The following DISC1 variants were observed in gnomAD, a reference collection of about 807,000 sequenced individuals.
The protein encoded by DISC1 is disrupted in schizophrenia 1 protein.
A neutral mutation model predicts 84.5 loss-of-function variants in DISC1; 57 were observed. That is an observed-to-expected ratio of 0.67 (90% CI 0.55 to 0.84). DISC1 has a LOEUF of 0.84. DISC1 is among the 40% of genes least tolerant of loss of function. The probability of loss-of-function intolerance (pLI) is 0.00; values close to 1 mark genes in which losing one functional copy is unlikely to be tolerated. For missense variants in DISC1, 1,000 were observed against 1,057.8 expected, an observed-to-expected ratio of 0.95 and a Z score of 0.76; for synonymous variants, 411 against 415.2, an observed-to-expected ratio of 0.99 and a Z score of 0.12.
Position 231,831,511 on chromosome 1 carries a change from C to T in DISC1, c.1981+12994C>T, listed in dbSNP as rs57578858. On this transcript the variant is annotated intron_variant, in intron 9 of 12. Coordinates refer to ENST00000439617, the MANE Select transcript of DISC1 (RefSeq NM_018662.3). ...GACTGATGTGAAGGAGAAAAACTGG[C>T]CGTGAGGGACAGAAGTTGGAGAGCT... Among the ~76,000 whole-genome samples, 1,345 of 152,240 alleles carry T rather than the reference C, an allele frequency of 8.8e-3. 11 individuals are homozygous for T. The highest frequency in any genetic ancestry group is 0.031 in the African/African-American group (1,280 of 41,524).
chr1:231,973,142 G>A (rs887887710), intron 10 of DISC1, among the ~76,000 whole-genome samples: 2 of 151,716 alleles, frequency 1.3e-5, no homozygotes, highest in African/African-American at 4.8e-5. Flanking sequence ...TGCCTCCTGG[G>A]TTCAAGCAAT....
intron 8 of DISC1, among the ~76,000 whole-genome samples, chr1:231,811,906 A>C (rs996442192): frequency 6.6e-6 from 1 of 152,232 alleles, no homozygotes; most frequent in South Asian, 2.1e-4. Flanking sequence ...GACAATCATT[A>C]AGAGACTCCC....
intron 9 of DISC1, among the ~76,000 whole-genome samples, chr1:231,861,152 G>A (rs185557546): frequency 7.9e-5 from 12 of 152,258 alleles, no homozygotes; most frequent in African/African-American, 2.2e-4. Context: ...TGATGGTGCC[G>A]TTGTATGAAT....
chr1:232,013,224 A>G (rs562913607), intron 11 of DISC1, among the ~76,000 whole-genome samples: 8 of 151,818 alleles, frequency 5.3e-5, no homozygotes, highest in African/African-American at 1.9e-4. Context: ...GGACAGTACC[A>G]CTCTCCCAGA....
intron 1 of DISC1, among the ~76,000 whole-genome samples, chr1:231,681,700 TA>T (rs1302890135): frequency 2.0e-5 from 3 of 152,088 alleles, no homozygotes; most frequent in Non-Finnish European, 2.9e-5. Context: ...CATAGACATT[TA>T]TTTTTTTTTT....
At chr1:231,783,821 C>T (rs569805036) in intron 6 of DISC1, among the ~76,000 whole-genome samples, 10 of 152,304 alleles carry the variant, frequency 6.6e-5, no homozygotes, top group Admixed American at 4.6e-4. Flanking sequence ...TCACTGCCTT[C>T]GCATCAGCAC....
chr1:231,748,836 G>C (rs1378577293), intron 3 of DISC1, among the ~76,000 whole-genome samples: 1 of 152,194 alleles, frequency 6.6e-6, no homozygotes, highest in East Asian at 1.9e-4. Flanking sequence ...GTTCAACAGA[G>C]GGTGTGGGAT....
chr1:231,773,796 G>C (rs906457921), intron 6 of DISC1, among the ~76,000 whole-genome samples: 1 of 152,168 alleles, frequency 6.6e-6, no homozygotes, highest in Non-Finnish European at 1.5e-5. Context: ...TGCTGTCTGT[G>C]GGGTCCTCTG....
chr1:231,721,393 C>T (rs1221271530), intron 3 of DISC1, among the ~76,000 whole-genome samples: 1 of 152,154 alleles, frequency 6.6e-6, no homozygotes, highest in African/African-American at 2.4e-5. Flanking sequence ...ATCCTTAGTA[C>T]CACAGTTGAG....
At chr1:231,996,997 A>G (rs574707799) in intron 10 of DISC1, among the ~76,000 whole-genome samples, 1 of 152,328 alleles carries the variant, frequency 6.6e-6, no homozygotes, top group East Asian at 1.9e-4. Flanking sequence ...TTCAAAATCA[A>G]CCACTACTCT....
At chr1:231,795,424 C>T in intron 7 of DISC1, 128 bp downstream of exon 7, 4 of 795,622 alleles carry the variant, frequency 5.0e-6, no homozygotes, top group Non-Finnish European at 8.3e-6. Context: ...AGCCATTTTG[C>T]AGGCCCAATG....
chr1:231,940,864 G>A (rs1266748023), intron 9 of DISC1: 1 of 152,262 alleles, frequency 6.6e-6, no homozygotes, highest in African/African-American at 2.4e-5. Context: ...TGAGAGGCTG[G>A]CTGTGGCCAG....
chr1:231,910,400 A>G (rs2089098246), intron 9 of DISC1, among the ~76,000 whole-genome samples: 1 of 152,160 alleles, frequency 6.6e-6, no homozygotes, highest in African/African-American at 2.4e-5. Flanking sequence ...GTTTCAAAGA[A>G]CATCTTTATT....
At chr1:231,639,893 A>G (rs1356297445) in intron 1 of DISC1, among the ~76,000 whole-genome samples, 1 of 152,228 alleles carries the variant, frequency 6.6e-6, no homozygotes, top group African/African-American at 2.4e-5. Context: ...TCCAGGTCCA[A>G]GTGGATTAAT....
intron 12 of DISC1, among the ~76,000 whole-genome samples, chr1:232,027,019 G>A (rs1015199749): frequency 6.6e-5 from 10 of 152,202 alleles, no homozygotes; most frequent in African/African-American, 2.2e-4. Context: ...CCAAAGTGCT[G>A]GGATTACAGG....
chr1:231,842,977 C>T (rs1019904501), intron 9 of DISC1, among the ~76,000 whole-genome samples: 2 of 152,060 alleles, frequency 1.3e-5, no homozygotes, highest in African/African-American at 4.8e-5. Context: ...CACTACGTGC[C>T]GGGCTGTGTC....
chr1:231,966,584 G>T (rs1350518668), intron 10 of DISC1, among the ~76,000 whole-genome samples: 1 of 152,228 alleles, frequency 6.6e-6, no homozygotes, highest in African/African-American at 2.4e-5. Context: ...TCCCCCTGAG[G>T]ATGGGTGTAG....
At chr1:231,700,530 G>A (rs1422939150) in intron 2 of DISC1, among the ~76,000 whole-genome samples, 2 of 152,020 alleles carry the variant, frequency 1.3e-5, no homozygotes, top group Admixed American at 6.5e-5. Flanking sequence ...AAGGTCTCTG[G>A]TCAACAGTAG....
At chr1:231,664,776 C>T (rs115078298) in intron 1 of DISC1, among the ~76,000 whole-genome samples, 4,556 of 151,800 alleles carry the variant, frequency 0.03, 229 homozygotes, top group African/African-American at 0.1. Context: ...GACCCTCGAA[C>T]GACACAGGTT....
Sources: allele counts gnomAD v4.1 joint callset (sites outside exome capture counted in the v4.1 genomes callset), GRCh38; gene constraint gnomAD v4.1.1; transcripts MANE v1.5; gene names NCBI Gene and HGNC (gene_info 2026-07-23, HGNC 2026-07-21).